Variants in NLK observed in about 807,000 individuals in gnomAD.
NLK encodes serine/threonine-protein kinase NLK.
Under a neutral mutation model 59.0 loss-of-function variants are expected in NLK, and 11 were observed. That is an observed-to-expected ratio of 0.19 (90% CI 0.12 to 0.31). The LOEUF (loss-of-function observed/expected upper bound fraction) is 0.31. NLK is among the 10% of genes least tolerant of loss of function. The pLI, the probability that NLK is intolerant of heterozygous loss-of-function variation, is 1.00. For missense variants in NLK, 410 were observed against 661.1 expected, an observed-to-expected ratio of 0.62 and a Z score of 4.16; for synonymous variants, 235 against 235.9, an observed-to-expected ratio of 1.00 and a Z score of 0.03.
intron 1 of NLK, among the ~76,000 whole-genome samples, chr17:28,063,606 A>C (rs1157508513): frequency 6.6e-6 from 1 of 152,136 alleles, no homozygotes; most frequent in Non-Finnish European, 1.5e-5. Context: ...TAAAGTTCCT[A>C]ATTCCTGTTC....
rs764555717 is a variant in NLK, at chr17:28,192,223, T to C, written c.1529+10T>C. 5.1e-6 allele frequency: 7 copies of C among 1,378,552 alleles called. No individual in the cohort carries two copies. The highest frequency in any genetic ancestry group is 7.2e-6 in the Non-Finnish European group (7 of 972,344). 85.4% of individuals were successfully genotyped at this position (1,378,552 alleles called of 1,614,324 possible). On this transcript the variant is annotated intron_variant, in intron 10 of 10. Transcript: ENST00000407008. ...TTAAGAGCTTTATTAGGTAACTATA[T>C]GTATGTAATTCAACATTCTTGTTAG...
At chr17:28,122,563 C>CT in intron 1 of NLK, 40 bp from the exon 2 acceptor site, 10 of 1,609,778 alleles carry the variant, frequency 6.2e-6, no homozygotes, top group Non-Finnish European at 8.5e-6. Flanking sequence ...ACTGATTTCT[C>CT]TGTCTTTTTT....
At chr17:28,164,530 A>G (rs1908142741) in intron 5 of NLK, among the ~76,000 whole-genome samples, 1 of 152,192 alleles carries the variant, frequency 6.6e-6, no homozygotes, top group African/African-American at 2.4e-5. Context: ...TCAAGTCATC[A>G]GTTTCAGTTT....
chr17:28,190,515 T>C (rs1909268342), intron 8 of NLK, among the ~76,000 whole-genome samples: 1 of 152,158 alleles, frequency 6.6e-6, no homozygotes, highest in Non-Finnish European at 1.5e-5. Context: ...TCTCAAAATA[T>C]GGCAGTCAGA....
At chr17:28,136,461 T>G (rs1270091553) in intron 3 of NLK, among the ~76,000 whole-genome samples, 1 of 152,164 alleles carries the variant, frequency 6.6e-6, no homozygotes, top group African/African-American at 2.4e-5. Flanking sequence ...AAGGAATGAT[T>G]TAGCTTGGAG....
At position 28,086,680 on chromosome 17, in the gene NLK, A is replaced by G. The variant is rs117065844; in HGVS notation, c.459-35923A>G. On this transcript the variant is annotated intron_variant, in intron 1 of 10. Coordinates refer to ENST00000407008, the MANE Select transcript of NLK (RefSeq NM_016231.5). Reference sequence around the variant, plus strand: ...GAGGTTGCATTTCCTTCACTTTAATATCTAACTCCAGCATAAGTCAGTATA... The same window carrying G: ...GAGGTTGCATTTCCTTCACTTTAATGTCTAACTCCAGCATAAGTCAGTATA... 5.7e-3 allele frequency among the ~76,000 whole-genome samples: 873 copies of G among 151,912 alleles called. 5 individuals carry two copies. The highest frequency in any genetic ancestry group is 9.9e-3 in the Non-Finnish European group (674 of 67,968).
chr17:28,194,891 T>C lies in NLK; in HGVS notation c.*255T>C, dbSNP rs1054722984. 1.1e-5 allele frequency: 4 copies of C among 352,370 alleles called. No individual in the cohort carries two copies. Among genetic ancestry groups the C allele is most frequent in the African/African-American group, 6.3e-5 (3 of 47,742 alleles). 21.8% of individuals were successfully genotyped at this position (352,370 alleles called of 1,614,324 possible). A position where few individuals can be genotyped will look rare whatever the true frequency, so the allele number is the denominator to read the frequency against. The stretch of plus-strand genomic sequence containing the variant: ...TTTTATGAATTTAGTGCAGCTGTTA[T>C]GGCTCACCTCAGAACAAAAGAGAAT... On this transcript the variant is annotated 3_prime_UTR_variant, in exon 11 of 11. Transcript: ENST00000407008.
intron 3 of NLK, among the ~76,000 whole-genome samples, chr17:28,136,341 A>G (rs1906745246): frequency 6.6e-6 from 1 of 152,190 alleles, no homozygotes; most frequent in Admixed American, 6.5e-5. Flanking sequence ...TATGCATAGA[A>G]AAAAGGTAAG....
chr17:28,092,596 G>A (rs1340974049), intron 1 of NLK, among the ~76,000 whole-genome samples: 2 of 151,980 alleles, frequency 1.3e-5, no homozygotes, highest in East Asian at 3.9e-4. Flanking sequence ...AGTCAACTGT[G>A]TAACTGTTTG....
At chr17:28,182,374 G>C (rs1442773431) in intron 7 of NLK, among the ~76,000 whole-genome samples, 1 of 152,240 alleles carries the variant, frequency 6.6e-6, no homozygotes, top group East Asian at 1.9e-4. Flanking sequence ...AGGATTCTGA[G>C]GCTATGACCA....
At chr17:28,163,171 T>C (rs1003949291) in intron 4 of NLK, among the ~76,000 whole-genome samples, 1 of 152,240 alleles carries the variant, frequency 6.6e-6, no homozygotes, top group Non-Finnish European at 1.5e-5. Context: ...GAAACTGTTT[T>C]GTTGGAGCAG....
At position 28,185,205 on chromosome 17, in the gene NLK, G is replaced by C; in HGVS notation, c.1176G>C (p.Leu392=). The C allele has an allele frequency of 6.3e-7, 1 of 1,593,554 alleles. No individual in the cohort carries two copies. The highest frequency in any genetic ancestry group is 8.6e-7 in the Non-Finnish European group (1 of 1,168,890). ...CATCTCTTCCTGTACTCTATACCCT[G>C]TCTAGCCAGGCTACACATGAAGCTG... is the stretch of plus-strand genomic sequence containing the variant. ...KQPSLPVLYT[L]SSQATHEAVH... The change falls in exon 8 of 11, where the codon CTG becomes CTC. Residue 392 remains leucine (L), a synonymous_variant. Transcript: ENST00000407008.
intron 2 of NLK, among the ~76,000 whole-genome samples, chr17:28,129,234 C>T (rs1188271475): frequency 1.3e-5 from 2 of 152,136 alleles, no homozygotes. Flanking sequence ...GTGGGTGGAT[C>T]ACGAGGTCAG....
intron 1 of NLK, among the ~76,000 whole-genome samples, chr17:28,105,888 A>G (rs1292815606): frequency 1.3e-5 from 2 of 152,246 alleles, no homozygotes; most frequent in African/African-American, 4.8e-5. Context: ...AGCCAAAGCC[A>G]TAGCCCTGTG....
chr17:28,198,371 T>G (rs540014300), downstream of NLK, among the ~76,000 whole-genome samples: 186 of 152,332 alleles, frequency 1.2e-3, 1 homozygote, highest in African/African-American at 4.2e-3. Context: ...TCACCCAGAC[T>G]GGAGTGTAGT....
At chr17:28,044,741 G>A (rs1368327145) in intron 1 of NLK, among the ~76,000 whole-genome samples, 2 of 152,168 alleles carry the variant, frequency 1.3e-5, no homozygotes, top group African/African-American at 4.8e-5. Context: ...CCAAGCTTTG[G>A]TTGGGGGATG....
At chr17:28,081,370 A>G (rs1256124606) in intron 1 of NLK, among the ~76,000 whole-genome samples, 1 of 151,924 alleles carries the variant, frequency 6.6e-6, no homozygotes, top group Non-Finnish European at 1.5e-5. Context: ...AAAAAAATTT[A>G]ATTTTTTTTA....
intron 7 of NLK, among the ~76,000 whole-genome samples, chr17:28,181,723 C>T (rs966032694): frequency 2.6e-5 from 4 of 152,006 alleles, no homozygotes; most frequent in African/African-American, 9.7e-5. Context: ...AAGACTCACA[C>T]AAGGCTGGGT....
chr17:28,148,285 A>G (rs1907340093), intron 3 of NLK, among the ~76,000 whole-genome samples: 2 of 150,936 alleles, frequency 1.3e-5, no homozygotes, highest in Admixed American at 6.6e-5. Flanking sequence ...TTTTTTATAT[A>G]CACATGCACA....
Sources: allele counts gnomAD v4.1 joint callset (sites outside exome capture counted in the v4.1 genomes callset), GRCh38; gene constraint gnomAD v4.1.1; transcripts MANE v1.5; gene names NCBI Gene and HGNC (gene_info 2026-07-23, HGNC 2026-07-21).